EGFR: variants seen among roughly 807,000 people sequenced by gnomAD.
The protein encoded by EGFR is epidermal growth factor receptor, also known as avian erythroblastic leukemia viral (v-erb-b) oncogene homolog.
In EGFR, 58 loss-of-function variants were observed where a neutral mutation model predicts 143.0. The observed-to-expected ratio is 0.41, with a 90% CI of 0.33 to 0.50. EGFR has a LOEUF of 0.50. Ranked by LOEUF, EGFR falls within the 20% of genes least tolerant of loss-of-function variation. The probability of loss-of-function intolerance (pLI) is 0.39; values close to 1 mark genes in which losing one functional copy is unlikely to be tolerated. For missense variants in EGFR, 1,307 were observed against 1,579.0 expected (o/e 0.83, Z 2.92); for synonymous variants, 613 against 594.4 (o/e 1.03, Z -0.45).
intron 15 of EGFR, among the ~76,000 whole-genome samples, chr7:55,166,700 T>C (rs201545253): frequency 2.0e-5 from 1 of 49,810 alleles, no homozygotes; most frequent in Non-Finnish European, 4.2e-5. Flanking sequence ...GGTGATGGTG[T>C]TGATGGTGGT....
At chr7:55,023,822 C>A (rs1786724069) in intron 1 of EGFR, among the ~76,000 whole-genome samples, 1 of 152,110 alleles carries the variant, frequency 6.6e-6, no homozygotes, top group Non-Finnish European at 1.5e-5. Context: ...TAAATCTTAA[C>A]TTGTTCCTGT....
At chr7:55,167,775 C>G (rs1390341921) in intron 15 of EGFR, among the ~76,000 whole-genome samples, 1 of 152,104 alleles carries the variant, frequency 6.6e-6, no homozygotes, top group Admixed American at 6.5e-5. Flanking sequence ...TGTCAACTTT[C>G]TAGGAAAACA....
intron 1 of EGFR, among the ~76,000 whole-genome samples, chr7:55,059,683 T>C (rs999756840): frequency 6.6e-6 from 1 of 152,148 alleles, no homozygotes; most frequent in African/African-American, 2.4e-5. Flanking sequence ...CTGAATGGAT[T>C]TATTCTTATT....
chr7:55,109,387 T>C (rs1011884164), intron 1 of EGFR, among the ~76,000 whole-genome samples: 1 of 152,084 alleles, frequency 6.6e-6, no homozygotes, highest in Non-Finnish European at 1.5e-5. Flanking sequence ...GGTGTTGGGA[T>C]GTGTTCCCAG....
intron 1 of EGFR, among the ~76,000 whole-genome samples, chr7:55,062,294 G>A (rs532305176): frequency 1.3e-4 from 20 of 152,248 alleles, no homozygotes; most frequent in East Asian, 3.9e-4. Flanking sequence ...ACTCTCTTGC[G>A]TCATAGGCCA....
chr7:55,139,951 A>G (rs917268520), intron 1 of EGFR, among the ~76,000 whole-genome samples: 1 of 152,080 alleles, frequency 6.6e-6, no homozygotes, highest in Non-Finnish European at 1.5e-5. Flanking sequence ...AATTGTAGAC[A>G]ATGAAGGGTC....
intron 1 of EGFR, among the ~76,000 whole-genome samples, chr7:55,136,942 C>A (rs536151894): frequency 6.6e-6 from 1 of 152,274 alleles, no homozygotes; most frequent in African/African-American, 2.4e-5. Flanking sequence ...CAGGACATAA[C>A]CCTATGGAAA....
intron 1 of EGFR, among the ~76,000 whole-genome samples, chr7:55,023,327 T>C (rs1361140551): frequency 2.0e-5 from 3 of 152,192 alleles, no homozygotes; most frequent in African/African-American, 4.8e-5. Flanking sequence ...TTCACCCACA[T>C]GTTGCTTCCC....
In EGFR at chr7:55,155,311, G is replaced by A. The variant is rs1009688099; in HGVS notation, c.890-519G>A. The stretch of plus-strand genomic sequence containing the variant: ...ACAAAAATTAGCCGGGCGTGGTGGC[G>A]CACGCCTGTAATCACAGCCGCTCAG... On this transcript the variant is annotated intron_variant, in intron 7 of 27. Coordinates refer to ENST00000275493, the MANE Select transcript of EGFR (RefSeq NM_005228.5). Among the ~76,000 whole-genome samples, 11 of 152,162 alleles carry A rather than the reference G, an allele frequency of 7.2e-5. 1 individual carries two copies. Among genetic ancestry groups the A allele is most frequent in the African/African-American group, 1.9e-4 (8 of 41,436 alleles).
Position 55,143,517 on chromosome 7 carries a change from G to A in EGFR, c.424+29G>A, listed in dbSNP as rs778012608. 2.5e-6 allele frequency: 4 copies of A among 1,613,164 alleles called. No individual in the cohort carries two copies. In the South Asian group the frequency reaches 3.3e-5, roughly 13 times the overall value. On this transcript the variant is annotated intron_variant, in intron 3 of 27. Coordinates refer to ENST00000275493, the MANE Select transcript of EGFR (RefSeq NM_005228.5). ...AGAGGCTGGGATGCCAAGGCTGGGG[G>A]TTCATAAATGCAGACAGCAGTTCCG...
intron 19 of EGFR, 127 bp from the exon 20 acceptor site, chr7:55,181,166 T>C: frequency 8.5e-7 from 1 of 1,179,922 alleles, no homozygotes; most frequent in South Asian, 1.3e-5. Context: ...GGCACAGCTT[T>C]TCCTCCATGA....
At chr7:55,077,569 C>T (rs1428936181) in intron 1 of EGFR, among the ~76,000 whole-genome samples, 1 of 152,140 alleles carries the variant, frequency 6.6e-6, no homozygotes, top group Non-Finnish European at 1.5e-5. Flanking sequence ...TTCCTTCCAG[C>T]ATGATTATGA....
chr7:55,088,055 AC>A (rs36089840), intron 1 of EGFR, among the ~76,000 whole-genome samples: 2 of 9,702 alleles, frequency 2.1e-4, no homozygotes, highest in Admixed American at 1.8e-3. Context: ...CAGGGTATAA[AC>A]ACACACACAC....
chr7:55,099,044 C>T (rs569959382), intron 1 of EGFR, among the ~76,000 whole-genome samples: 12 of 152,326 alleles, frequency 7.9e-5, no homozygotes, highest in Admixed American at 2.6e-4. Flanking sequence ...CCTCTACTCT[C>T]TCACTCTTTT....
chr7:55,159,715 A>G (rs181950522), intron 11 of EGFR, among the ~76,000 whole-genome samples: 26 of 152,358 alleles, frequency 1.7e-4, no homozygotes, highest in Admixed American at 2.6e-4. Context: ...AATTTGGGAC[A>G]GAGAACCTCT....
intron 1 of EGFR, among the ~76,000 whole-genome samples, chr7:55,024,405 A>G (rs1786763010): frequency 6.6e-6 from 1 of 152,182 alleles, no homozygotes; most frequent in African/African-American, 2.4e-5. Context: ...TCCAAGTTTT[A>G]TCTCATTCTG....
rs765804100 is a variant in EGFR, at chr7:55,201,363, A to ATCTCTGTC, written c.3114+14_3114+21dup. Reference sequence around the variant, plus strand: ...CCCCTCCTGAGCTCTCTGGTATGAAATCTCTGTCTCTCTCTCTCTCTCAAG... The same window carrying ATCTCTGTC: ...CCCCTCCTGAGCTCTCTGGTATGAAATCTCTGTCTCTCTGTCTCTCTCTCTCTCTCAAG... On this transcript the variant is annotated intron_variant, in intron 25 of 27. Coordinates refer to ENST00000275493, the MANE Select transcript of EGFR (RefSeq NM_005228.5). 2 of 1,613,984 alleles carry ATCTCTGTC rather than the reference A, an allele frequency of 1.2e-6. No individual in the cohort carries two copies. Among genetic ancestry groups the ATCTCTGTC allele is most frequent in the South Asian group, 2.2e-5 (2 of 91,068 alleles).
chr7:55,165,169 A>G, intron 14 of EGFR, 111 bp from the exon 15 acceptor site: 1 of 1,488,196 alleles, frequency 6.7e-7, no homozygotes, highest in Non-Finnish European at 9.3e-7. Flanking sequence ...TTTTTCTATC[A>G]TTTGGCTTTC....
intron 1 of EGFR, among the ~76,000 whole-genome samples, chr7:55,064,370 G>C (rs1305246096): frequency 2.6e-5 from 4 of 152,190 alleles, no homozygotes; most frequent in African/African-American, 9.7e-5. Flanking sequence ...CACTTATCCA[G>C]AATTGGCTGT....
Sources: allele counts gnomAD v4.1 joint callset (sites outside exome capture counted in the v4.1 genomes callset), GRCh38; gene constraint gnomAD v4.1.1; transcripts MANE v1.5; gene names NCBI Gene and HGNC (gene_info 2026-07-23, HGNC 2026-07-21).